The following SLCO1A2 variants were observed in gnomAD, a reference collection of about 807,000 sequenced individuals.
SLCO1A2 encodes OATP-1.
Under a neutral mutation model 69.0 loss-of-function variants are expected in SLCO1A2, and 67 were observed. The ratio of observed to expected loss-of-function variants is 0.97; its 90% CI spans 0.80 to 1.19. The LOEUF (loss-of-function observed/expected upper bound fraction) is 1.19. SLCO1A2 is among the 50% of genes most tolerant of loss of function. SLCO1A2 has a pLI of 0.00. For missense variants in SLCO1A2, 787 were observed against 793.7 expected, an observed-to-expected ratio of 0.99 and a Z score of 0.10; for synonymous variants, 260 against 265.9, an observed-to-expected ratio of 0.98 and a Z score of 0.22.
chr12:21,286,124 CA>C (rs1326778966), intron 12 of SLCO1A2, among the ~76,000 whole-genome samples: 7 of 149,086 alleles, frequency 4.7e-5, no homozygotes, highest in African/African-American at 7.5e-5. Context: ...TGTCTCAGCC[CA>C]AAATCTCCTT....
chr12:21,297,584 G>T lies in SLCO1A2; in HGVS notation c.911-16C>A. 6.5e-7 allele frequency: 1 copy of T among 1,541,812 alleles called. No individual in the cohort carries two copies. The highest frequency in any genetic ancestry group is 1.2e-5 in the South Asian group (1 of 82,432). On this transcript the variant is annotated splice_polypyrimidine_tract_variant and intron_variant, in intron 8 of 14. Coordinates refer to ENST00000683939, the MANE Select transcript of SLCO1A2 (RefSeq NM_001386879.1). ...GGTAGAAAATCTGAAATGAAAGAAT[G>T]ACAACTGTGTCAAACGAACTTGGCT... is the stretch of plus-strand genomic sequence containing the variant.
In SLCO1A2 at chr12:21,275,340, GA is replaced by G. The variant is rs765546448; in HGVS notation, c.1675+19del. The stretch of plus-strand genomic sequence containing the variant: ...ATAATATTGTTCTGATAGGATGTGG[GA>G]AAAAATAACTATTTTTACCAAATAC... On this transcript the variant is annotated intron_variant, in intron 13 of 14. Coordinates refer to ENST00000683939, the MANE Select transcript of SLCO1A2 (RefSeq NM_001386879.1). 5.2e-6 allele frequency: 8 copies of G among 1,535,838 alleles called. No individual in the cohort carries two copies. The highest frequency in any genetic ancestry group is 7.1e-6 in the Non-Finnish European group (8 of 1,127,898).
At chr12:21,329,225 A>C (rs1347463468) in intron 2 of SLCO1A2, among the ~76,000 whole-genome samples, 1 of 152,190 alleles carries the variant, frequency 6.6e-6, no homozygotes, top group Non-Finnish European at 1.5e-5. Context: ...TGATCTACAA[A>C]ATGGAACAAT....
chr12:21,312,892 G>A (rs575997274), intron 4 of SLCO1A2, among the ~76,000 whole-genome samples: 36 of 151,914 alleles, frequency 2.4e-4, no homozygotes, highest in Non-Finnish European at 4.9e-4. Context: ...AGGGCAATAT[G>A]GTGAAATCCT....
intron 8 of SLCO1A2, among the ~76,000 whole-genome samples, 191 bp from the exon 9 acceptor site, chr12:21,297,759 G>A (rs1241676076): frequency 6.6e-6 from 1 of 152,194 alleles, no homozygotes; most frequent in Non-Finnish European, 1.5e-5. Context: ...GGAAGTCAGT[G>A]ATGTAGCTGA....
chr12:21,303,584 C>T (rs886883376), intron 6 of SLCO1A2, among the ~76,000 whole-genome samples: 4 of 152,026 alleles, frequency 2.6e-5, no homozygotes, highest in Non-Finnish European at 5.9e-5. Context: ...CTATACTAAA[C>T]GTTATGAGTT....
intron 4 of SLCO1A2, among the ~76,000 whole-genome samples, chr12:21,312,200 C>A (rs761545902): frequency 6.6e-6 from 1 of 152,222 alleles, no homozygotes; most frequent in Non-Finnish European, 1.5e-5. Flanking sequence ...GCTGCAGCTT[C>A]TCCATCAGCA....
At chr12:21,299,867 CGT>C (rs1266469053) in intron 8 of SLCO1A2, among the ~76,000 whole-genome samples, 3 of 105,454 alleles carry the variant, frequency 2.8e-5, no homozygotes, top group South Asian at 3.2e-4. Flanking sequence ...TATATATATA[CGT>C]GTGTGTATAT....
At chr12:21,324,433 C>T (rs536472762) in intron 2 of SLCO1A2, among the ~76,000 whole-genome samples, 3 of 152,278 alleles carry the variant, frequency 2.0e-5, no homozygotes, top group Admixed American at 2.0e-4. Context: ...ACCATATAGG[C>T]TCTTTTTAAG....
At chr12:21,274,807 A>C (rs1269469883) in intron 13 of SLCO1A2, 1 of 685,068 alleles carries the variant, frequency 1.5e-6, no homozygotes, top group Admixed American at 3.7e-5. Flanking sequence ...AATTATTAGT[A>C]GAGTAAAACA....
rs1276702396 is a variant in SLCO1A2 at position 21,304,358 on chromosome 12, T to TA, written c.589+68dup. 5 of 1,285,544 alleles carry TA rather than the reference T, an allele frequency of 3.9e-6. No homozygotes were observed. The East Asian group carries it at 9.4e-5, about 24-fold the overall frequency. 79.6% of individuals were successfully genotyped at this position (1,285,544 alleles called of 1,614,324 possible). ...GTGGAAATCACTAAGACTACAAAAATATAACTAATTTCTAACCTCAAGGAA... is the reference window on the plus strand; with the variant it reads ...GTGGAAATCACTAAGACTACAAAAATAATAACTAATTTCTAACCTCAAGGAA... On this transcript the variant is annotated intron_variant, in intron 6 of 14. Coordinates refer to ENST00000683939, the MANE Select transcript of SLCO1A2 (RefSeq NM_001386879.1).
upstream of SLCO1A2, among the ~76,000 whole-genome samples, chr12:21,338,710 C>T (rs976142442): frequency 4.6e-5 from 7 of 151,958 alleles, no homozygotes; most frequent in Admixed American, 2.6e-4. Flanking sequence ...CTTTTATCTG[C>T]GTAGACTAGG....
chr12:21,361,171 C>T (rs181274602), intron 2 of SLCO1A2, among the ~76,000 whole-genome samples: 2,869 of 152,220 alleles, frequency 0.019, 38 homozygotes, highest in Non-Finnish European at 0.03. Flanking sequence ...CGGGGGATGC[C>T]CCTCTAAGAC....
At chr12:21,335,831 CTG>C (rs1426041971), upstream of SLCO1A2, among the ~76,000 whole-genome samples, 2 of 152,132 alleles carry the variant, frequency 1.3e-5, no homozygotes, top group African/African-American at 2.4e-5. Flanking sequence ...AACATCTACT[CTG>C]TGCCAGTCAT....
chr12:21,386,537 AC>A (rs1362599203), intron 1 of SLCO1A2, among the ~76,000 whole-genome samples: 10 of 151,924 alleles, frequency 6.6e-5, no homozygotes, highest in African/African-American at 2.2e-4. Flanking sequence ...AAGGGCAATT[AC>A]CCTGCACTTC....
intron 2 of SLCO1A2, chr12:21,373,879 T>A (rs948780454): frequency 1.6e-5 from 8 of 492,468 alleles, no homozygotes; most frequent in African/African-American, 1.2e-4. Context: ...TGTTAAAAAC[T>A]TTTACATCTT....
intron 12 of SLCO1A2, among the ~76,000 whole-genome samples, chr12:21,288,356 G>A (rs376799454): frequency 2.6e-5 from 4 of 152,078 alleles, no homozygotes; most frequent in Non-Finnish European, 4.4e-5. Context: ...CAGGAGGATC[G>A]CTTGAGCCAG....
chr12:21,409,914 A>AT (rs981137120), intron 1 of SLCO1A2, among the ~76,000 whole-genome samples: 13 of 152,002 alleles, frequency 8.6e-5, no homozygotes, highest in South Asian at 2.1e-4. Flanking sequence ...TGTCCCATAC[A>AT]TTTTTTCCTG....
chr12:21,413,582 T>G (rs534516241), intron 1 of SLCO1A2, among the ~76,000 whole-genome samples: 1 of 152,154 alleles, frequency 6.6e-6, no homozygotes, highest in Non-Finnish European at 1.5e-5. Context: ...TGCATAGCAC[T>G]CCAGTTACAT....
Sources: allele counts gnomAD v4.1 joint callset (sites outside exome capture counted in the v4.1 genomes callset), GRCh38; gene constraint gnomAD v4.1.1; transcripts MANE v1.5; gene names NCBI Gene and HGNC (gene_info 2026-07-23, HGNC 2026-07-21).